Variants in FAM149B1 observed in about 807,000 individuals in gnomAD.
FAM149B1 encodes the protein family with sequence similarity 149 member B1.
In FAM149B1, 56 loss-of-function variants were observed where a neutral mutation model predicts 75.3. The ratio of observed to expected loss-of-function variants is 0.74; its 90% CI spans 0.60 to 0.93. The LOEUF (loss-of-function observed/expected upper bound fraction) is 0.93, where lower values mean the gene tolerates loss of function less well. Ranked by LOEUF, FAM149B1 falls within the 40% of genes least tolerant of loss-of-function variation. The pLI, the probability that FAM149B1 is intolerant of heterozygous loss-of-function variation, is 0.00. For synonymous variants in FAM149B1, 259 were observed against 256.1 expected (o/e 1.01, Z -0.11); for missense variants, 639 against 708.4 (o/e 0.90, Z 1.11).
intron 5 of FAM149B1, chr10:73,200,988 C>A: frequency 2.8e-6 from 1 of 358,590 alleles, no homozygotes; most frequent in South Asian, 3.0e-5. Flanking sequence ...CTGTTCTGAT[C>A]ACTATTTACT....
At chr10:73,171,552 G>A (rs1204158775) in intron 1 of FAM149B1, among the ~76,000 whole-genome samples, 1 of 151,686 alleles carries the variant, frequency 6.6e-6, no homozygotes, top group Non-Finnish European at 1.5e-5. Context: ...ATAGTATCAT[G>A]CACTACCTGT....
chr10:73,205,804 A>G (rs769221000), intron 5 of FAM149B1, among the ~76,000 whole-genome samples: 7 of 152,074 alleles, frequency 4.6e-5, no homozygotes, highest in Non-Finnish European at 8.8e-5. Flanking sequence ...CGCCTGCCTC[A>G]GCCTCCCAAA....
intron 3 of FAM149B1, among the ~76,000 whole-genome samples, chr10:73,182,654 G>A (rs1214349793): frequency 1.3e-5 from 2 of 152,146 alleles, no homozygotes; most frequent in Non-Finnish European, 2.9e-5. Context: ...ATGTAGAGAG[G>A]AATTAAAGCC....
chr10:73,212,622 A>G (rs1490918101), intron 7 of FAM149B1, among the ~76,000 whole-genome samples: 1 of 152,118 alleles, frequency 6.6e-6, no homozygotes, highest in African/African-American at 2.4e-5. Context: ...TATATACTCA[A>G]GAGTGGGACT....
At chr10:73,236,338 T>C (rs1162781018) in intron 12 of FAM149B1, among the ~76,000 whole-genome samples, 1 of 151,942 alleles carries the variant, frequency 6.6e-6, no homozygotes, top group African/African-American at 2.4e-5. Flanking sequence ...TCTTTTTGTC[T>C]CTTCCTGGAT....
chr10:73,188,049 C>CTCCA (rs1457341343), intron 3 of FAM149B1, among the ~76,000 whole-genome samples: 1 of 152,154 alleles, frequency 6.6e-6, no homozygotes, highest in East Asian at 1.9e-4. Flanking sequence ...TGCCACTGCA[C>CTCCA]TCCAGCCTGA....
intron 2 of FAM149B1, among the ~76,000 whole-genome samples, chr10:73,175,290 A>T (rs967788066): frequency 6.6e-6 from 1 of 152,218 alleles, no homozygotes; most frequent in African/African-American, 2.4e-5. Context: ...AGATTGCTTG[A>T]GCCCAGAAGG....
chr10:73,187,919 T>G (rs1290555617), intron 3 of FAM149B1, among the ~76,000 whole-genome samples: 4 of 150,914 alleles, frequency 2.7e-5, no homozygotes, highest in Admixed American at 2.6e-4. Flanking sequence ...CCTGTCTCTA[T>G]TAAAAATACA....
chr10:73,176,801 C>T (rs1208859824), intron 2 of FAM149B1, among the ~76,000 whole-genome samples: 6 of 151,770 alleles, frequency 4.0e-5, no homozygotes, highest in African/African-American at 9.7e-5. Flanking sequence ...CCGATGTAGG[C>T]GGATCACTTG....
intron 12 of FAM149B1, chr10:73,235,555 GAT>G: frequency 1.2e-6 from 1 of 850,848 alleles, no homozygotes; most frequent in Non-Finnish European, 1.7e-6. Context: ...TAACACTTAA[GAT>G]ATGTCTGACC....
chr10:73,232,966 G>A lies in FAM149B1; in HGVS notation c.1155G>A (p.Arg385=). 6.4e-7 allele frequency: 1 copy of A among 1,551,314 alleles called. No individual in the cohort carries two copies. The highest frequency in any genetic ancestry group is 8.7e-7 in the Non-Finnish European group (1 of 1,146,318). Residue 385 remains arginine (R), a synonymous_variant, in exon 10 of 14, where the codon AGG becomes AGA. Coordinates refer to ENST00000242505, the MANE Select transcript of FAM149B1 (RefSeq NM_173348.2). ...LLDLDDKLLM[R]PGSSTILSTR... ...ATCTTGATGACAAGCTACTTATGAG[G>A]CCTGGGTCCAGTACCATCCTTTCAA... is the stretch of plus-strand genomic sequence containing the variant.
chr10:73,174,837 G>T, intron 2 of FAM149B1, 46 bp downstream of exon 2: 1 of 1,338,946 alleles, frequency 7.5e-7, no homozygotes, highest in South Asian at 1.3e-5. Flanking sequence ...CTTGCTCATG[G>T]CAGAGGTTTT....
chr10:73,233,585 C>A (rs796619914), intron 10 of FAM149B1, among the ~76,000 whole-genome samples: 47 of 152,306 alleles, frequency 3.1e-4, no homozygotes, highest in African/African-American at 1.0e-3. Context: ...CTCAAGCAAT[C>A]TGCCTGCCTC....
At position 73,208,737 on chromosome 10, in the gene FAM149B1, G is replaced by A. The variant is rs141525016; in HGVS notation, c.661G>A (p.Val221Ile). 52 of 1,539,660 alleles carry A rather than the reference G, an allele frequency of 3.4e-5. No homozygotes were observed. In the African/African-American group the frequency reaches 5.9e-4, roughly 17 times the overall value. Residue 221 changes from valine to isoleucine, a missense_variant, in exon 6 of 14, where the codon GTC becomes ATC. Physicochemically the swap from Val to Ile is conservative, Grantham distance 29 (BLOSUM62 3). Coordinates refer to ENST00000242505, the MANE Select transcript of FAM149B1 (RefSeq NM_173348.2). ...AAGAGATGAGGAAGACTCTATAATC[G>A]TCTCAGAAGGAATAATTGAGGAATA... is the stretch of plus-strand genomic sequence containing the variant. ...MERDEEDSII[V>I]SEGIIEEYLA...
intron 5 of FAM149B1, among the ~76,000 whole-genome samples, chr10:73,194,315 G>A (rs937974226): frequency 6.6e-6 from 1 of 151,912 alleles, no homozygotes; most frequent in African/African-American, 2.4e-5. Context: ...AAATAGAATG[G>A]TTTTTTAAAA....
intron 7 of FAM149B1, among the ~76,000 whole-genome samples, chr10:73,212,214 T>TG: frequency 6.6e-6 from 1 of 152,356 alleles, no homozygotes; most frequent in East Asian, 1.9e-4. Context: ...CCTCTGTTGA[T>TG]GGACACTTAG....
rs1171211333 is a variant in FAM149B1 at position 73,242,613 on chromosome 10, G to A, written c.*1594G>A. ...AAGGGAACAGATTCAGACAAGCTCA[G>A]TGGCCCAACTGAAGACATTCAGCAA... On this transcript the variant is annotated 3_prime_UTR_variant, in exon 14 of 14. Transcript: ENST00000242505. The A allele has an allele frequency of 6.6e-6, 1 of 152,184 alleles. No individual in the cohort carries two copies. Among genetic ancestry groups the A allele is most frequent in the African/African-American group, 2.4e-5 (1 of 41,430 alleles). The allele number at this position is 152,184 out of a possible 1,614,324, so 9.4% of individuals were successfully genotyped here. A position where few individuals can be genotyped will look rare whatever the true frequency, so the allele number is the denominator to read the frequency against.
chr10:73,174,314 A>G (rs1843844811), intron 1 of FAM149B1, among the ~76,000 whole-genome samples: 1 of 152,118 alleles, frequency 6.6e-6, no homozygotes, highest in African/African-American at 2.4e-5. Flanking sequence ...CTCCACATCC[A>G]TGCCTGCATT....
Position 73,168,269 on chromosome 10 carries a change from C to T in FAM149B1, c.-71C>T, listed in dbSNP as rs952993926. The T allele has an allele frequency of 6.6e-6, 10 of 1,517,298 alleles. No individual in the cohort carries two copies. In the East Asian group the frequency reaches 1.0e-4, roughly 15 times the overall value. 94.0% of individuals were successfully genotyped at this position (1,517,298 alleles called of 1,614,324 possible). On this transcript the variant is annotated 5_prime_UTR_variant, in exon 1 of 14. Coordinates refer to ENST00000242505, the MANE Select transcript of FAM149B1 (RefSeq NM_173348.2). The stretch of plus-strand genomic sequence containing the variant: ...CCGGAGCCGGCGGGAGGGCCAGGCC[C>T]GGAGGCCCCCACCCTGGCGTGCCTG...
Sources: allele counts gnomAD v4.1 joint callset (sites outside exome capture counted in the v4.1 genomes callset), GRCh38; gene constraint gnomAD v4.1.1; transcripts MANE v1.5; gene names NCBI Gene and HGNC (gene_info 2026-07-23, HGNC 2026-07-21).